Variants in ERCC6L2 observed in about 807,000 individuals in gnomAD.
ERCC6L2 encodes the protein ERCC excision repair 6 like 2.
A neutral mutation model predicts 132.0 loss-of-function variants in ERCC6L2; 77 were observed. That is an observed-to-expected ratio of 0.58 (90% CI 0.49 to 0.71). The LOEUF (loss-of-function observed/expected upper bound fraction) is 0.71. Among genes scored for constraint, ERCC6L2 ranks in the 30% least tolerant of loss-of-function variants. The pLI is 0.00. For missense variants in ERCC6L2, 1,542 were observed against 1,837.6 expected (o/e 0.84, Z 2.94); for synonymous variants, 583 against 632.4 (o/e 0.92, Z 1.17).
chr9:95,938,435 G>A (rs1830655090), intron 11 of ERCC6L2, among the ~76,000 whole-genome samples: 1 of 151,956 alleles, frequency 6.6e-6, no homozygotes, highest in African/African-American at 2.4e-5. Context: ...CTGAATGTGG[G>A]ATATTGAAAT....
intron 16 of ERCC6L2, among the ~76,000 whole-genome samples, chr9:95,977,290 T>C (rs10760692): frequency 0.63 from 95,889 of 152,008 alleles, 30,738 homozygotes; most frequent in African/African-American, 0.72. Flanking sequence ...TTAACAATGT[T>C]TTGTGTTTGC....
intron 9 of ERCC6L2, among the ~76,000 whole-genome samples, chr9:95,927,200 A>T (rs1830137074): frequency 6.6e-6 from 1 of 151,998 alleles, no homozygotes; most frequent in Non-Finnish European, 1.5e-5. Flanking sequence ...TTTTTGAGGG[A>T]CTAGGGGGAG....
intron 17 of ERCC6L2, among the ~76,000 whole-genome samples, chr9:95,994,076 A>C (rs945338460): frequency 1.3e-5 from 2 of 152,214 alleles, no homozygotes; most frequent in African/African-American, 4.8e-5. Context: ...TCCAGGCACA[A>C]ACCTTGAATG....
At chr9:95,969,801 G>A (rs574125759) in intron 14 of ERCC6L2, among the ~76,000 whole-genome samples, 41 of 152,280 alleles carry the variant, frequency 2.7e-4, no homozygotes, top group Non-Finnish European at 4.9e-4. Context: ...TGGATACCAG[G>A]TGGCTGGAAC....
Position 96,015,700 on chromosome 9 carries a change from G to T in ERCC6L2, c.*2497G>T. Among the ~76,000 whole-genome samples, 1 of 151,888 alleles carries T rather than the reference G, an allele frequency of 6.6e-6. No individual in the cohort carries two copies. The highest frequency in any genetic ancestry group is 1.5e-5 in the Non-Finnish European group (1 of 67,984). The stretch of plus-strand genomic sequence containing the variant: ...CGCCTGTAGTCCCAGCTACTCGGGA[G>T]GCTGAGGCAGGAGAATGGCGTGAAC... On this transcript the variant is annotated 3_prime_UTR_variant, in exon 19 of 19. Transcript: ENST00000653738.
At position 95,967,498 on chromosome 9, in the gene ERCC6L2, G is replaced by C. The variant is rs547018848; in HGVS notation, c.2100+784G>C. On this transcript the variant is annotated intron_variant, in intron 14 of 18. Coordinates refer to ENST00000653738, the MANE Select transcript of ERCC6L2 (RefSeq NM_020207.7). ...GCAGTTCAAGGAGCAATTGGTTCCT[G>C]TCCTTGAGGAACTTAAACCATCTTG... is the stretch of plus-strand genomic sequence containing the variant. The C allele has an allele frequency of 2.6e-5, 4 of 152,254 alleles. No individual in the cohort carries two copies. The South Asian group carries it at 8.3e-4, about 32-fold the overall frequency. The allele number at this position is 152,254 out of a possible 1,614,324, so 9.4% of individuals were successfully genotyped here. A position where few individuals can be genotyped will look rare whatever the true frequency, so the allele number is the denominator to read the frequency against.
intron 11 of ERCC6L2, among the ~76,000 whole-genome samples, chr9:95,936,416 A>G (rs1050135730): frequency 6.6e-6 from 1 of 152,192 alleles, no homozygotes; most frequent in Non-Finnish European, 1.5e-5. Flanking sequence ...CTCTCTCTGT[A>G]TTCACTATGA....
At chr9:95,912,151 A>G (rs1829371832) in intron 4 of ERCC6L2, among the ~76,000 whole-genome samples, 1 of 152,190 alleles carries the variant, frequency 6.6e-6, no homozygotes, top group South Asian at 2.1e-4. Context: ...TGTAAATAAT[A>G]TGAATTAGAT....
In ERCC6L2 at chr9:95,972,859, GT is replaced by G; in HGVS notation, c.3111del (p.Phe1037LeufsTer29). On this transcript the variant is annotated frameshift_variant, in exon 16 of 19. Transcript: ENST00000653738. LOFTEE classifies it high-confidence loss of function. ...YAANEDHNSQ[F>X]IDDYSSSDES... ...CAGCAAATGAGGATCATAACTCTCA[GT>G]TTATTGATGATTATTCATCCTCAGA... The G allele has an allele frequency of 7.7e-7, 1 of 1,305,178 alleles. No individual in the cohort carries two copies. The highest frequency in any genetic ancestry group is 1.0e-6 in the Non-Finnish European group (1 of 988,894). 80.8% of individuals were successfully genotyped at this position (1,305,178 alleles called of 1,614,324 possible).
intron 17 of ERCC6L2, among the ~76,000 whole-genome samples, chr9:95,988,051 G>A (rs550415500): frequency 1.1e-4 from 17 of 152,336 alleles, no homozygotes; most frequent in South Asian, 6.2e-4. Context: ...TAGGACACAG[G>A]AGACCAAGCC....
chr9:95,931,097 G>GA (rs1830318183), intron 11 of ERCC6L2, among the ~76,000 whole-genome samples: 1 of 152,068 alleles, frequency 6.6e-6, no homozygotes, highest in Non-Finnish European at 1.5e-5. Context: ...ACGACCTTTT[G>GA]GTCAATGCAA....
chr9:95,986,975 AAGAAAAATGAGAGCCAAG>A (rs1352901159), intron 17 of ERCC6L2, among the ~76,000 whole-genome samples: 70 of 152,346 alleles, frequency 4.6e-4, no homozygotes, highest in Non-Finnish European at 4.4e-5. Flanking sequence ...AGCAGGCAAA[AAGAAAAATGAGAGCCAAG>A]AGAAAGGAGC....
At chr9:95,905,736 C>A (rs1262978262) in intron 3 of ERCC6L2, among the ~76,000 whole-genome samples, 1 of 152,128 alleles carries the variant, frequency 6.6e-6, no homozygotes, top group Non-Finnish European at 1.5e-5. Flanking sequence ...GATTTTCTTT[C>A]GTTTTCTTCT....
In ERCC6L2 at chr9:95,972,421, C is replaced by T. The variant is rs999970617; in HGVS notation, c.2670C>T (p.Cys890=). Residue 890 remains cysteine, a synonymous_variant, in exon 16 of 19, where the codon TGC becomes TGT. Coordinates refer to ENST00000653738, the MANE Select transcript of ERCC6L2 (RefSeq NM_020207.7). ...EKKIKNTDKH[C]ILQNVTESED... ...AAATTAAAAATACAGATAAACATTG[C>T]ATTTTACAGAATGTCACAGAATCAG... 1.6e-6 allele frequency: 2 copies of T among 1,278,510 alleles called. No individual in the cohort carries two copies. The highest frequency in any genetic ancestry group is 2.0e-6 in the Non-Finnish European group (2 of 985,372). 79.2% of individuals were successfully genotyped at this position (1,278,510 alleles called of 1,614,324 possible).
chr9:95,933,851 A>AC (rs1830447809), intron 11 of ERCC6L2, among the ~76,000 whole-genome samples: 1 of 151,452 alleles, frequency 6.6e-6, no homozygotes, highest in Non-Finnish European at 1.5e-5. Flanking sequence ...GTCTCAAAAA[A>AC]AAAAAAAAAA....
At chr9:96,030,887 C>T (rs981373909) in intron 19 of ERCC6L2, among the ~76,000 whole-genome samples, 1 of 152,106 alleles carries the variant, frequency 6.6e-6, no homozygotes, top group Non-Finnish European at 1.5e-5. Flanking sequence ...TCATTCCTTC[C>T]GGGGAAACCA....
intron 16 of ERCC6L2, among the ~76,000 whole-genome samples, chr9:95,976,880 A>G (rs1832694667): frequency 6.6e-6 from 1 of 152,130 alleles, no homozygotes; most frequent in Non-Finnish European, 1.5e-5. Flanking sequence ...AGAAATCTTA[A>G]TTTTTGTGTT....
chr9:96,006,144 CAT>C (rs1283976386), intron 18 of ERCC6L2, among the ~76,000 whole-genome samples: 2 of 152,116 alleles, frequency 1.3e-5, no homozygotes, highest in Non-Finnish European at 2.9e-5. Context: ...GAGTCATCAG[CAT>C]AGAGTTTATA....
intron 16 of ERCC6L2, among the ~76,000 whole-genome samples, chr9:95,977,652 A>G (rs1832725272): frequency 2.0e-5 from 3 of 152,292 alleles, no homozygotes; most frequent in East Asian, 1.9e-4. Flanking sequence ...CATAAACCCC[A>G]TGCTCTCATT....
Sources: gnomAD v4.1 joint callset for allele counts (sites outside exome capture counted in the v4.1 genomes callset) on GRCh38, gnomAD v4.1.1 for gene constraint, MANE v1.5 for transcripts, NCBI Gene and HGNC (gene_info 2026-07-23, HGNC 2026-07-21) for gene names.